ZNF727: variants seen among roughly 807,000 people sequenced by gnomAD.
The protein encoded by ZNF727 is putative zinc finger protein 727.
ZNF727 carries 11 observed loss-of-function variants against 11.5 expected under a neutral mutation model. The ratio of observed to expected loss-of-function variants is 0.95; its 90% CI spans 0.60 to 1.58. The LOEUF is 1.58. Among genes scored for constraint, ZNF727 ranks in the 40% most tolerant of loss-of-function variants. The pLI is 0.00. For missense variants in ZNF727, 533 were observed against 581.7 expected, an observed-to-expected ratio of 0.92 and a Z score of 0.86; for synonymous variants, 171 against 196.1, an observed-to-expected ratio of 0.87 and a Z score of 1.07.
At chr7:64,057,223 T>G (rs1421831312) in intron 1 of ZNF727, among the ~76,000 whole-genome samples, 1 of 152,226 alleles carries the variant, frequency 6.6e-6, no homozygotes. Flanking sequence ...TTACAATGTA[T>G]TTTTTAATTA....
chr7:64,069,279 A>T (rs543109272), intron 2 of ZNF727, among the ~76,000 whole-genome samples: 2 of 152,026 alleles, frequency 1.3e-5, no homozygotes, highest in East Asian at 3.9e-4. Flanking sequence ...ATTGTTACCC[A>T]CTCCTAAAAA....
chr7:64,054,195 A>T (rs1279944507), intron 1 of ZNF727, among the ~76,000 whole-genome samples: 1 of 152,136 alleles, frequency 6.6e-6, no homozygotes, highest in South Asian at 2.1e-4. Flanking sequence ...ATGCACACAC[A>T]TGTCTGAAAG....
At chr7:64,069,119 T>C in intron 2 of ZNF727, 102 bp downstream of exon 2, 1 of 1,336,266 alleles carries the variant, frequency 7.5e-7, no homozygotes. Flanking sequence ...TTCAGAATCC[T>C]GCTTCAAAAA....
intron 1 of ZNF727, among the ~76,000 whole-genome samples, chr7:64,066,479 G>A (rs1282962629): frequency 1.5e-5 from 2 of 132,854 alleles, no homozygotes; most frequent in Non-Finnish European, 3.3e-5. Context: ...ACAGAACAGA[G>A]GCCTCAGAAA....
At chr7:64,057,185 A>G (rs1033351801) in intron 1 of ZNF727, among the ~76,000 whole-genome samples, 2 of 152,280 alleles carry the variant, frequency 1.3e-5, no homozygotes, top group Admixed American at 6.5e-5. Context: ...TTACATTTCA[A>G]TAGGTTCAGT....
intron 3 of ZNF727, among the ~76,000 whole-genome samples, chr7:64,071,905 G>A (rs1362453790): frequency 6.6e-6 from 1 of 151,910 alleles, no homozygotes; most frequent in Admixed American, 6.6e-5. Context: ...TACATGATTT[G>A]TTTCTGGGCT....
At position 64,079,856 on chromosome 7, in the gene ZNF727, A is replaced by G. The variant is rs1386674466; in HGVS notation, c.*1307A>G. Among the ~76,000 whole-genome samples, 1 of 152,188 alleles carries G rather than the reference A, an allele frequency of 6.6e-6. No homozygotes were observed. The highest frequency in any genetic ancestry group is 1.5e-5 in the Non-Finnish European group (1 of 68,040). On this transcript the variant is annotated 3_prime_UTR_variant, in exon 4 of 4. Coordinates refer to ENST00000456806, the MANE Select transcript of ZNF727 (RefSeq NM_001159522.3). ...GATCTTTTAAGGCAGGTCTTGTGGT[A>G]ACAGATTTCCTCAGCATTTGCTTAT...
Position 64,078,052 on chromosome 7 carries a change from A to G in ZNF727, c.1003A>G (p.Thr335Ala), listed in dbSNP as rs1443429073. The G allele has an allele frequency of 1.9e-6, 3 of 1,611,378 alleles. No individual in the cohort carries two copies. Among genetic ancestry groups the G allele is most frequent in the Non-Finnish European group, 1.7e-6 (2 of 1,178,716 alleles). The change falls in exon 4 of 4, where the codon ACT (threonine) becomes GCT (alanine). Residue 335 changes from threonine (T) to alanine (A), a missense_variant. Coordinates refer to ENST00000456806, the MANE Select transcript of ZNF727 (RefSeq NM_001159522.3). ...SALSQHNRIHTGEKPYICEEC... is the reference protein window; with the variant it reads ...SALSQHNRIHAGEKPYICEEC... Reference sequence around the variant, plus strand: ...CCTTAGTCAACATAACAGAATTCATACTGGAGAGAAACCCTACATTTGTGA... The same window carrying G: ...CCTTAGTCAACATAACAGAATTCATGCTGGAGAGAAACCCTACATTTGTGA...
chr7:64,082,641 C>T lies in ZNF727; in HGVS notation c.*4092C>T, dbSNP rs375482482. ...CTGTAACCCTAGCACTTTGGGAGGC[C>T]GAGGCAGGTGGATTGCCTGAGCTCA... On this transcript the variant is annotated 3_prime_UTR_variant, in exon 4 of 4. Transcript: ENST00000456806. Among the ~76,000 whole-genome samples, 6 of 152,024 alleles carry T rather than the reference C, an allele frequency of 3.9e-5. No homozygotes were observed. Among genetic ancestry groups the T allele is most frequent in the African/African-American group, 7.2e-5 (3 of 41,384 alleles).
At chr7:64,068,187 A>C (rs1789901195) in intron 1 of ZNF727, among the ~76,000 whole-genome samples, 1 of 150,928 alleles carries the variant, frequency 6.6e-6, no homozygotes, top group Admixed American at 6.6e-5. Context: ...ACTCGAGTTA[A>C]TTATTATACT....
chr7:64,050,077 A>G (rs1179636029), intron 1 of ZNF727, among the ~76,000 whole-genome samples: 3 of 151,944 alleles, frequency 2.0e-5, no homozygotes, highest in Non-Finnish European at 2.9e-5. Context: ...TTTTCTATAT[A>G]TATATATTTC....
chr7:64,056,289 G>T (rs1562791352), intron 1 of ZNF727, among the ~76,000 whole-genome samples: 1 of 152,114 alleles, frequency 6.6e-6, no homozygotes, highest in Non-Finnish European at 1.5e-5. Context: ...ATAAGGCTAT[G>T]TACGATATGC....
intron 1 of ZNF727, among the ~76,000 whole-genome samples, chr7:64,051,029 A>T (rs964389896): frequency 2.6e-5 from 4 of 152,174 alleles, no homozygotes; most frequent in Admixed American, 2.6e-4. Flanking sequence ...TATTTAAAAT[A>T]TTTAAAACTA....
rs1406724230 is a variant in ZNF727 at position 64,081,001 on chromosome 7, G to A, written c.*2452G>A. Among the ~76,000 whole-genome samples the A allele has an allele frequency of 6.6e-6, 1 of 151,860 alleles. No individual in the cohort carries two copies. Among genetic ancestry groups the A allele is most frequent in the Non-Finnish European group, 1.5e-5 (1 of 67,998 alleles). On this transcript the variant is annotated 3_prime_UTR_variant, in exon 4 of 4. Coordinates refer to ENST00000456806, the MANE Select transcript of ZNF727 (RefSeq NM_001159522.3). ...AGAGTCTGCATACTCTAACTCTGGGGGAGTTGTATTGAGCCCCAACTGTGT... is the reference window on the plus strand; with the variant it reads ...AGAGTCTGCATACTCTAACTCTGGGAGAGTTGTATTGAGCCCCAACTGTGT...
chr7:64,085,305 A>G lies in ZNF727; in HGVS notation c.*6756A>G, dbSNP rs568949445. Among the ~76,000 whole-genome samples the G allele has an allele frequency of 2.0e-5, 3 of 152,324 alleles. No individual in the cohort carries two copies. The highest frequency in any genetic ancestry group is 3.9e-4 in the East Asian group (2 of 5,188). ...GATCATTTTACTTTGTAAAATTGATATAATTGATTTTATTAAATTTATTGG... is the reference window on the plus strand; with the variant it reads ...GATCATTTTACTTTGTAAAATTGATGTAATTGATTTTATTAAATTTATTGG... On this transcript the variant is annotated 3_prime_UTR_variant, in exon 4 of 4. Coordinates refer to ENST00000456806, the MANE Select transcript of ZNF727 (RefSeq NM_001159522.3).
chr7:64,084,747 C>T lies in ZNF727; in HGVS notation c.*6198C>T, dbSNP rs1785847786. 6.6e-6 allele frequency among the ~76,000 whole-genome samples: 1 copy of T among 152,062 alleles called. No individual in the cohort carries two copies. ...CGTACAGACCTTTAGTTTTGATTTA[C>T]ATCAATTTAAATATACAAATGTATC... On this transcript the variant is annotated 3_prime_UTR_variant, in exon 4 of 4. Transcript: ENST00000456806.
chr7:64,061,814 C>G (rs1789775863), intron 1 of ZNF727, among the ~76,000 whole-genome samples: 1 of 151,684 alleles, frequency 6.6e-6, no homozygotes, highest in African/African-American at 2.4e-5. Context: ...GATGATTTAT[C>G]TAGTGGTGTG....
intron 1 of ZNF727, among the ~76,000 whole-genome samples, chr7:64,059,920 A>G (rs1035400349): frequency 2.0e-5 from 3 of 152,214 alleles, no homozygotes; most frequent in Admixed American, 1.3e-4. Flanking sequence ...TCTTTAAATT[A>G]GAAATGTCTT....
chr7:64,063,836 C>T (rs868793815), intron 1 of ZNF727, among the ~76,000 whole-genome samples: 2 of 152,114 alleles, frequency 1.3e-5, no homozygotes, highest in African/African-American at 4.8e-5. Context: ...GCACCGAAGC[C>T]ATGAGACAAT....
Sources: allele counts gnomAD v4.1 joint callset (sites outside exome capture counted in the v4.1 genomes callset), GRCh38; gene constraint gnomAD v4.1.1; transcripts MANE v1.5; gene names NCBI Gene and HGNC (gene_info 2026-07-23, HGNC 2026-07-21).